Variants in MALRD1 observed in about 807,000 individuals in gnomAD.
The protein encoded by MALRD1 is MAM and LDL-receptor class A domain-containing protein 1.
In MALRD1, 247 loss-of-function variants were observed where a neutral mutation model predicts 242.1. That is an observed-to-expected ratio of 1.02 (90% CI 0.92 to 1.13). MALRD1 has a LOEUF of 1.13. MALRD1 is among the 50% of genes most tolerant of loss of function. MALRD1 has a pLI of 0.00. For synonymous variants in MALRD1, 995 were observed against 866.6 expected (o/e 1.15, Z -2.60); for missense variants, 2,989 against 2,533.1 (o/e 1.18, Z -3.86).
chr10:19,587,749 G>A (rs1011379878), intron 33 of MALRD1, among the ~76,000 whole-genome samples: 5 of 152,104 alleles, frequency 3.3e-5, no homozygotes, highest in African/African-American at 1.2e-4. Context: ...GGTAATCAGA[G>A]AGATGTCTTG....
At chr10:19,592,816 T>C (rs891845442) in intron 33 of MALRD1, among the ~76,000 whole-genome samples, 27 of 149,986 alleles carry the variant, frequency 1.8e-4, no homozygotes, top group African/African-American at 6.2e-4. Context: ...CTGGGAAACA[T>C]AAAAGTCTTT....
At chr10:19,238,399 ATATTATG>A (rs1483439802) in intron 18 of MALRD1, among the ~76,000 whole-genome samples, 11 of 85,542 alleles carry the variant, frequency 1.3e-4, no homozygotes, top group African/African-American at 5.1e-4. Context: ...TATATGTTAT[ATATTATG>A]TATAATATAT....
At chr10:19,268,980 A>T (rs1172522263) in intron 19 of MALRD1, among the ~76,000 whole-genome samples, 1 of 152,164 alleles carries the variant, frequency 6.6e-6, no homozygotes, top group African/African-American at 2.4e-5. Context: ...ATCAGATCAA[A>T]CCAGACTAAT....
chr10:19,658,356 G>A (rs961549002), intron 36 of MALRD1, among the ~76,000 whole-genome samples: 1 of 151,970 alleles, frequency 6.6e-6, no homozygotes, highest in African/African-American at 2.4e-5. Flanking sequence ...TCTGAGATCT[G>A]AAAAAAATAA....
At chr10:19,086,338 T>C (rs1835668090) in intron 2 of MALRD1, among the ~76,000 whole-genome samples, 4 of 152,096 alleles carry the variant, frequency 2.6e-5, no homozygotes, top group Admixed American at 1.3e-4. Context: ...CTTAGGTAGC[T>C]ATGTCATCAT....
chr10:19,114,056 A>G (rs565521794), intron 5 of MALRD1, among the ~76,000 whole-genome samples: 9 of 152,230 alleles, frequency 5.9e-5, no homozygotes, highest in South Asian at 2.1e-4. Context: ...TGAGATACAT[A>G]TGCTCTATTC....
At chr10:19,435,257 T>C (rs777144362) in intron 28 of MALRD1, among the ~76,000 whole-genome samples, 2 of 152,006 alleles carry the variant, frequency 1.3e-5, no homozygotes, top group Non-Finnish European at 2.9e-5. Context: ...ATTGCAAAGA[T>C]AGTACAGGGA....
At chr10:19,236,789 C>T (rs1838339922) in intron 18 of MALRD1, among the ~76,000 whole-genome samples, 1 of 151,980 alleles carries the variant, frequency 6.6e-6, no homozygotes, top group Non-Finnish European at 1.5e-5. Flanking sequence ...AAGCAGAGTT[C>T]ACCTAAGAAT....
chr10:19,450,518 G>A (rs1835264904), intron 29 of MALRD1, 28 bp downstream of exon 29: 7 of 1,526,276 alleles, frequency 4.6e-6, no homozygotes, highest in Non-Finnish European at 6.2e-6. Context: ...ACTTCCATTT[G>A]GAAGCACATT....
intron 38 of MALRD1, among the ~76,000 whole-genome samples, chr10:19,720,412 A>G (rs567748044): frequency 6.6e-6 from 1 of 152,246 alleles, no homozygotes; most frequent in African/African-American, 2.4e-5. Context: ...CAGTAACAGG[A>G]TCCACAAAAT....
At chr10:19,543,402 T>C (rs1340906526) in intron 32 of MALRD1, among the ~76,000 whole-genome samples, 1 of 141,790 alleles carries the variant, frequency 7.1e-6, no homozygotes, top group Non-Finnish European at 1.5e-5. Context: ...TAGCTGGGAC[T>C]ACAGATGTAA....
chr10:19,558,179 T>G (rs964459826), intron 32 of MALRD1, among the ~76,000 whole-genome samples: 4 of 152,150 alleles, frequency 2.6e-5, no homozygotes, highest in Non-Finnish European at 5.9e-5. Context: ...ACAGAGACAA[T>G]CATGTCATCT....
At chr10:19,717,132 G>A (rs188233648) in intron 38 of MALRD1, among the ~76,000 whole-genome samples, 1 of 152,064 alleles carries the variant, frequency 6.6e-6, no homozygotes, top group Non-Finnish European at 1.5e-5. Context: ...CTAGTGTAAA[G>A]AACCATAGTT....
At chr10:19,679,660 C>T in intron 36 of MALRD1, among the ~76,000 whole-genome samples, 1 of 151,754 alleles carries the variant, frequency 6.6e-6, no homozygotes, top group Non-Finnish European at 1.5e-5. Context: ...CCTTCAATTC[C>T]ACCTTGATCT....
rs569728291 is a variant in MALRD1 at position 19,478,149 on chromosome 10, C to G, written c.5030-13368C>G. Among the ~76,000 whole-genome samples the G allele has an allele frequency of 7.4e-4, 112 of 152,332 alleles. 2 individuals are homozygous for G. The South Asian group carries it at 0.022, about 30-fold the overall frequency. ...CAAACTCCATCAAAATAAATCAACT[C>G]TATCACACAGTATAGCCAATTAAAC... On this transcript the variant is annotated intron_variant, in intron 29 of 39. Coordinates refer to ENST00000454679, the MANE Select transcript of MALRD1 (RefSeq NM_001142308.3).
chr10:19,392,506 A>G (rs1338525049), intron 28 of MALRD1, among the ~76,000 whole-genome samples: 1 of 152,236 alleles, frequency 6.6e-6, no homozygotes, highest in East Asian at 1.9e-4. Flanking sequence ...GACTCCTGTA[A>G]TAAAAAAGTA....
Position 19,101,116 on chromosome 10 carries a change from A to G in MALRD1, c.598-2863A>G, listed in dbSNP as rs1276547236. On this transcript the variant is annotated intron_variant, in intron 4 of 39. Transcript: ENST00000454679. ...CGCAACTCATTTTTCCTTATCATGT[A>G]AGCTATCATTTTATCATTACATTGT... 4.0e-5 allele frequency among the ~76,000 whole-genome samples: 6 copies of G among 151,622 alleles called. No individual in the cohort carries two copies. In the East Asian group the frequency reaches 1.2e-3, roughly 29 times the overall value.
At chr10:19,517,456 A>G (rs1833685470) in intron 31 of MALRD1, among the ~76,000 whole-genome samples, 1 of 152,242 alleles carries the variant, frequency 6.6e-6, no homozygotes, top group Non-Finnish European at 1.5e-5. Flanking sequence ...TCCCATAGAT[A>G]CAAAGACATG....
chr10:19,307,278 G>T (rs1437210197), intron 21 of MALRD1, among the ~76,000 whole-genome samples: 1 of 151,370 alleles, frequency 6.6e-6, no homozygotes, highest in Non-Finnish European at 1.5e-5. Context: ...CCATTAATTT[G>T]TCTAAGGGGG....
Sources: allele counts gnomAD v4.1 joint callset (sites outside exome capture counted in the v4.1 genomes callset), GRCh38; gene constraint gnomAD v4.1.1; transcripts MANE v1.5; gene names NCBI Gene and HGNC (gene_info 2026-07-23, HGNC 2026-07-21).